The following DLG2 variants were observed in gnomAD, a reference collection of about 807,000 sequenced individuals.
The protein encoded by DLG2 is discs large MAGUK scaffold protein 2.
DLG2 carries 45 observed loss-of-function variants against 132.5 expected under a neutral mutation model. The observed-to-expected ratio is 0.34, with a 90% CI of 0.27 to 0.44. The LOEUF (loss-of-function observed/expected upper bound fraction) is 0.44, where lower values mean the gene tolerates loss of function less well. DLG2 is among the 20% of genes least tolerant of loss of function. The probability of loss-of-function intolerance (pLI) is 1.00; values close to 1 mark genes in which losing one functional copy is unlikely to be tolerated. For synonymous variants in DLG2, 424 were observed against 419.6 expected (o/e 1.01, Z -0.13); for missense variants, 1,045 against 1,196.9 (o/e 0.87, Z 1.87).
At chr11:83,743,077 C>T (rs967603187) in intron 18 of DLG2, among the ~76,000 whole-genome samples, 1 of 152,178 alleles carries the variant, frequency 6.6e-6, no homozygotes, top group Non-Finnish European at 1.5e-5. Context: ...AGAAATGGAT[C>T]TATCCAACCA....
intron 7 of DLG2, among the ~76,000 whole-genome samples, chr11:84,510,200 T>C (rs1443731362): frequency 1.3e-5 from 2 of 151,686 alleles, no homozygotes; most frequent in African/African-American, 4.8e-5. Context: ...AAAGAAGTAT[T>C]AGTTATTATA....
At chr11:84,602,631 A>C (rs1458265424) in intron 6 of DLG2, among the ~76,000 whole-genome samples, 1 of 151,964 alleles carries the variant, frequency 6.6e-6, no homozygotes, top group Non-Finnish European at 1.5e-5. Context: ...ACCAAAAAGC[A>C]AGTGTAATTT....
At position 84,122,793 on chromosome 11, in the gene DLG2, G is replaced by C. The variant is rs564943425; in HGVS notation, c.625-23746C>G. On this transcript the variant is annotated intron_variant, in intron 9 of 27. Transcript: ENST00000376104. ...CCTTGAAGGTTTTTTATAATCTCGT[G>C]GTATTCATGGAAGAGACAGACCAAA... is the stretch of plus-strand genomic sequence containing the variant. 5.9e-5 allele frequency among the ~76,000 whole-genome samples: 9 copies of C among 152,030 alleles called. No homozygotes were observed. In the South Asian group the frequency reaches 1.9e-3, roughly 32 times the overall value.
chr11:83,745,923 G>T (rs530943877), intron 18 of DLG2, among the ~76,000 whole-genome samples: 26 of 152,128 alleles, frequency 1.7e-4, no homozygotes, highest in Non-Finnish European at 3.2e-4. Context: ...CAAAGGATAT[G>T]AACAGACACT....
chr11:84,434,918 G>GAAAAAAAAA (rs770101910), intron 7 of DLG2, among the ~76,000 whole-genome samples: 1 of 79,260 alleles, frequency 1.3e-5, no homozygotes, highest in African/African-American at 4.0e-5. Flanking sequence ...GTCACCTACT[G>GAAAAAAAAA]AAAAAAAAAA....
chr11:83,506,038 A>G (rs1030917260), intron 21 of DLG2, among the ~76,000 whole-genome samples: 1 of 152,040 alleles, frequency 6.6e-6, no homozygotes, highest in Admixed American at 6.5e-5. Flanking sequence ...TACCACTTCC[A>G]TTTGCTGATG....
chr11:83,782,183 T>C (rs1448878704), intron 18 of DLG2, among the ~76,000 whole-genome samples: 2 of 152,192 alleles, frequency 1.3e-5, no homozygotes, highest in African/African-American at 4.8e-5. Context: ...TCAATTACCA[T>C]CTCTGAATCT....
chr11:84,138,529 G>C (rs1176280244), intron 9 of DLG2, among the ~76,000 whole-genome samples: 1 of 152,172 alleles, frequency 6.6e-6, no homozygotes, highest in African/African-American at 2.4e-5. Flanking sequence ...TTGAAGAGAA[G>C]GGGATTAACT....
At chr11:83,714,379 T>C (rs2086206569) in intron 18 of DLG2, among the ~76,000 whole-genome samples, 1 of 152,172 alleles carries the variant, frequency 6.6e-6, no homozygotes, top group Non-Finnish European at 1.5e-5. Context: ...GTGCATTATC[T>C]ACTTTAATAA....
intron 14 of DLG2, among the ~76,000 whole-genome samples, chr11:83,962,367 T>C (rs11233861): frequency 0.14 from 20,629 of 152,064 alleles, 1,763 homozygotes; most frequent in African/African-American, 0.22. Flanking sequence ...TTGGGTACCC[T>C]GGGACAGGTC....
chr11:84,387,108 T>C (rs1216626797), intron 7 of DLG2, among the ~76,000 whole-genome samples: 1 of 151,976 alleles, frequency 6.6e-6, no homozygotes, highest in Non-Finnish European at 1.5e-5. Flanking sequence ...TAAGAAGTGG[T>C]GGAAGCAGTT....
intron 6 of DLG2, among the ~76,000 whole-genome samples, chr11:84,831,889 C>G (rs2079098803): frequency 6.6e-6 from 1 of 151,668 alleles, no homozygotes; most frequent in East Asian, 1.9e-4. Context: ...GACCTGCTCT[C>G]AGAGGGCTTG....
At chr11:84,659,388 A>G (rs2099692055) in intron 6 of DLG2, among the ~76,000 whole-genome samples, 1 of 152,098 alleles carries the variant, frequency 6.6e-6, no homozygotes, top group African/African-American at 2.4e-5. Context: ...CTCTAGGTCT[A>G]GACTGGAATG....
intron 6 of DLG2, among the ~76,000 whole-genome samples, chr11:84,759,682 C>T (rs972564877): frequency 1.3e-5 from 2 of 152,150 alleles, no homozygotes; most frequent in Non-Finnish European, 2.9e-5. Flanking sequence ...AATAAAAACA[C>T]CATCCCTTTT....
intron 3 of DLG2, among the ~76,000 whole-genome samples, chr11:85,387,742 G>A (rs1204499310): frequency 6.6e-6 from 1 of 152,194 alleles, no homozygotes; most frequent in East Asian, 1.9e-4. Flanking sequence ...ATATCACTCT[G>A]AGTCAATATA....
intron 6 of DLG2, among the ~76,000 whole-genome samples, chr11:84,889,351 G>A (rs1486362165): frequency 6.6e-6 from 1 of 152,108 alleles, no homozygotes; most frequent in Non-Finnish European, 1.5e-5. Flanking sequence ...AGGCTTCATG[G>A]TGAGGGGGAG....
intron 7 of DLG2, among the ~76,000 whole-genome samples, chr11:84,350,186 A>C (rs1037468959): frequency 0.022 from 2,876 of 129,140 alleles, 20 homozygotes; most frequent in Non-Finnish European, 0.026. Context: ...CCCCCCCCCA[A>C]AAAAAAAAAA....
At chr11:85,060,861 T>C (rs1457131548) in intron 6 of DLG2, among the ~76,000 whole-genome samples, 1 of 151,600 alleles carries the variant, frequency 6.6e-6, no homozygotes, top group Non-Finnish European at 1.5e-5. Context: ...GGGTTTTTCT[T>C]TTTTTGTTGT....
At chr11:84,949,117 G>C (rs1264861132) in intron 6 of DLG2, among the ~76,000 whole-genome samples, 1 of 152,148 alleles carries the variant, frequency 6.6e-6, no homozygotes, top group Non-Finnish European at 1.5e-5. Flanking sequence ...GAGTACAAAA[G>C]AGAGAAATTT....
Sources: allele counts gnomAD v4.1 joint callset (sites outside exome capture counted in the v4.1 genomes callset), GRCh38; gene constraint gnomAD v4.1.1; transcripts MANE v1.5; gene names NCBI Gene and HGNC (gene_info 2026-07-23, HGNC 2026-07-21).